Variants in ZNF14 observed in about 807,000 individuals in gnomAD.
The protein encoded by ZNF14 is zinc finger protein 14.
A neutral mutation model predicts 11.3 loss-of-function variants in ZNF14; 9 were observed. That is an observed-to-expected ratio of 0.80 (90% CI 0.48 to 1.39). ZNF14 has a LOEUF of 1.39. Ranked by LOEUF, ZNF14 falls within the 40% of genes most tolerant of loss-of-function variation. The pLI is 0.00. For synonymous variants in ZNF14, 239 were observed against 245.7 expected (o/e 0.97, Z 0.25); for missense variants, 711 against 763.9 (o/e 0.93, Z 0.82).
chr19:19,732,435 G>A (rs963242130), intron 1 of ZNF14, among the ~76,000 whole-genome samples: 1 of 152,178 alleles, frequency 6.6e-6, no homozygotes, highest in Non-Finnish European at 1.5e-5. Context: ...ACATTCAGAA[G>A]GTCAAAAACA....
chr19:19,714,989 C>T (rs1356042996), intron 1 of ZNF14, among the ~76,000 whole-genome samples: 1 of 152,074 alleles, frequency 6.6e-6, no homozygotes, highest in Non-Finnish European at 1.5e-5. Flanking sequence ...GGATTACAGG[C>T]GTGAGCCACT....
In ZNF14 at chr19:19,732,943, C is replaced by T; in HGVS notation, c.3+13G>A. On this transcript the variant is annotated intron_variant, in intron 1 of 3. Coordinates refer to ENST00000344099, the MANE Select transcript of ZNF14 (RefSeq NM_021030.3). ...CAGAAACCTCCCCTCGGACACTGGCCCCGCACACTCACCATTTCCCAGCGT... is the reference window on the plus strand; with the variant it reads ...CAGAAACCTCCCCTCGGACACTGGCTCCGCACACTCACCATTTCCCAGCGT... 1 of 1,613,690 alleles carries T rather than the reference C, an allele frequency of 6.2e-7. No homozygotes were observed.
At position 19,720,320 on chromosome 19, in the gene ZNF14, A is replaced by G. The variant is rs1021015147; in HGVS notation, c.4-5833T>C. Among the ~76,000 whole-genome samples the G allele has an allele frequency of 2.6e-5, 4 of 151,670 alleles. No individual in the cohort carries two copies. The highest frequency in any genetic ancestry group is 9.7e-5 in the African/African-American group (4 of 41,348). On this transcript the variant is annotated intron_variant, in intron 1 of 3. Coordinates refer to ENST00000344099, the MANE Select transcript of ZNF14 (RefSeq NM_021030.3). The surrounding 1 kb of genome is among the most constrained non-coding windows in gnomAD (Gnocchi z 4.1). Reference sequence around the variant, plus strand: ...TGGAACATTCACCAAGGTAGCCCACATTCTGGAACATAAAACATATCTTTT... The same window carrying G: ...TGGAACATTCACCAAGGTAGCCCACGTTCTGGAACATAAAACATATCTTTT...
chr19:19,729,863 C>T (rs2062418189), intron 1 of ZNF14, among the ~76,000 whole-genome samples: 1 of 152,148 alleles, frequency 6.6e-6, no homozygotes, highest in South Asian at 2.1e-4. Flanking sequence ...TACCCTCACC[C>T]ATTTTTCAAT....
Position 19,710,771 on chromosome 19 carries a change from CTTTTA to C in ZNF14, c.*576_*580del, listed in dbSNP as rs1568447567. On this transcript the variant is annotated 3_prime_UTR_variant, in exon 4 of 4. Coordinates refer to ENST00000344099, the MANE Select transcript of ZNF14 (RefSeq NM_021030.3). ...AGAGGACAGTTGGAAGATTTTCCCA[CTTTTA>C]TTTTTTCTTGAGACAGTGTCTCATT... The C allele has an allele frequency of 6.5e-6, 1 of 152,818 alleles. No homozygotes were observed. The highest frequency in any genetic ancestry group is 1.5e-5 in the Non-Finnish European group (1 of 68,248). The allele number at this position is 152,818 out of a possible 1,614,324, so 9.5% of individuals were successfully genotyped here. A position where few individuals can be genotyped will look rare whatever the true frequency, so the allele number is the denominator to read the frequency against.
At chr19:19,731,442 G>C (rs951471560) in intron 1 of ZNF14, among the ~76,000 whole-genome samples, 2 of 152,128 alleles carry the variant, frequency 1.3e-5, no homozygotes, top group Admixed American at 6.6e-5. Flanking sequence ...CGGGTGTGGT[G>C]GTGGGTGCCT....
chr19:19,713,818 A>G (rs1421345080), intron 3 of ZNF14, among the ~76,000 whole-genome samples: 1 of 149,824 alleles, frequency 6.7e-6, no homozygotes, highest in Non-Finnish European at 1.5e-5. Flanking sequence ...CCAGGCCTCA[A>G]GTGATCCTCC....
intron 1 of ZNF14, among the ~76,000 whole-genome samples, chr19:19,718,720 C>G (rs1239149473): frequency 6.6e-6 from 1 of 152,104 alleles, no homozygotes; most frequent in Non-Finnish European, 1.5e-5. Flanking sequence ...AAAGAAGTTA[C>G]AGGGGGAACA....
intron 1 of ZNF14, among the ~76,000 whole-genome samples, chr19:19,718,822 G>A (rs774010539): frequency 7.9e-5 from 12 of 152,176 alleles, no homozygotes; most frequent in Admixed American, 1.3e-4. Context: ...CTGGAGTGCA[G>A]TGGGACGATC....
chr19:19,722,996 T>C (rs1008593033), intron 1 of ZNF14, among the ~76,000 whole-genome samples: 4 of 152,170 alleles, frequency 2.6e-5, no homozygotes, highest in African/African-American at 9.7e-5. Context: ...GCTGAGACGA[T>C]GGGTTTTCTA....
chr19:19,719,572 A>T (rs2062386748), intron 1 of ZNF14, among the ~76,000 whole-genome samples: 1 of 152,224 alleles, frequency 6.6e-6, no homozygotes, highest in Non-Finnish European at 1.5e-5. Context: ...GCAATGAGTA[A>T]AACTTAAAAA....
rs1256348573 is a variant in ZNF14, at chr19:19,714,126, A to G, written c.156T>C (p.Ile52=). ...CLGKKWEDQD[I]EDDHRNQGKN... ...TCCCCTGGTTTCTGTGGTCATCTTC[A>G]ATGTCCTGGTCTTCCCACTTTTTTC... The change falls in exon 3 of 4, where the codon ATT becomes ATC. Residue 52 remains isoleucine, a synonymous_variant. Transcript: ENST00000344099. 2 of 1,613,406 alleles carry G rather than the reference A, an allele frequency of 1.2e-6. No individual in the cohort carries two copies. Among genetic ancestry groups the G allele is most frequent in the African/African-American group, 1.3e-5 (1 of 75,016 alleles).
Position 19,725,890 on chromosome 19 carries a change from G to A in ZNF14, c.3+7066C>T, listed in dbSNP as rs753026560. ...AAATCAGCTACTGAAGCTTGTGCAT[G>A]CATCAAGTAGTTCTCGTGCCACGGT... On this transcript the variant is annotated intron_variant, in intron 1 of 3. Transcript: ENST00000344099. Among the ~76,000 whole-genome samples the A allele has an allele frequency of 3.7e-5, 5 of 134,284 alleles. 1 individual carries two copies. The highest frequency in any genetic ancestry group is 6.6e-5 in the Non-Finnish European group (4 of 60,434). 88.1% of individuals were successfully genotyped at this position (134,284 alleles called of 152,430 possible).
rs2062359004 is a variant in ZNF14 at position 19,711,353 on chromosome 19, T to C, written c.1928A>G (p.Ter643=). Residue 643 remains the stop codon, a stop_retained_variant, in exon 4 of 4, where the codon TAA becomes TGA. Coordinates refer to ENST00000344099, the MANE Select transcript of ZNF14 (RefSeq NM_021030.3). ...GGCTTCAGAATGTTGCTTATATTCT[T>C]AGACTTTCTCTCCCATATGAGTCCT... ...HERTHMGEKV[*] The C allele has an allele frequency of 3.9e-6, 6 of 1,540,734 alleles. No homozygotes were observed. The highest frequency in any genetic ancestry group is 8.7e-7 in the Non-Finnish European group (1 of 1,149,612).
intron 1 of ZNF14, among the ~76,000 whole-genome samples, chr19:19,719,271 C>T (rs1171830791): frequency 1.3e-5 from 2 of 151,840 alleles, no homozygotes; most frequent in African/African-American, 2.4e-5. Flanking sequence ...AAATTCCCTA[C>T]AAAAAAGAAA....
intron 1 of ZNF14, among the ~76,000 whole-genome samples, chr19:19,717,753 T>C (rs767169127): frequency 6.6e-6 from 1 of 152,212 alleles, no homozygotes; most frequent in Admixed American, 6.5e-5. Flanking sequence ...ACAGGCTCAC[T>C]AAAAGACTGA....
At chr19:19,730,616 A>C (rs1012938036) in intron 1 of ZNF14, among the ~76,000 whole-genome samples, 1 of 152,192 alleles carries the variant, frequency 6.6e-6, no homozygotes, top group African/African-American at 2.4e-5. Flanking sequence ...GGAATAACAT[A>C]AGAAATCCAA....
intron 1 of ZNF14, among the ~76,000 whole-genome samples, chr19:19,730,684 G>A (rs1315062184): frequency 1.3e-5 from 2 of 151,826 alleles, no homozygotes; most frequent in African/African-American, 4.8e-5. Context: ...AAGCTGAGGC[G>A]GGCGGATCAC....
rs1009850949 is a variant in ZNF14, at chr19:19,714,079, G to C, written c.191+12C>G. 3 of 1,611,472 alleles carry C rather than the reference G, an allele frequency of 1.9e-6. No homozygotes were observed. Among genetic ancestry groups the C allele is most frequent in the Admixed American group, 1.7e-5 (1 of 59,844 alleles). On this transcript the variant is annotated intron_variant, in intron 3 of 3. Transcript: ENST00000344099. Reference sequence around the variant, plus strand: ...CCCCACGGGCCACTATTTTTCTGTGGATGCAACTCACCTTCGATTTTTCCC... The same window carrying C: ...CCCCACGGGCCACTATTTTTCTGTGCATGCAACTCACCTTCGATTTTTCCC...
Sources: gnomAD v4.1 joint callset for allele counts (sites outside exome capture counted in the v4.1 genomes callset) on GRCh38, gnomAD v4.1.1 for gene constraint, Gnocchi (gnomAD v3.1) non-coding constraint, MANE v1.5 for transcripts, NCBI Gene and HGNC (gene_info 2026-07-23, HGNC 2026-07-21) for gene names.